The following BSCL2 variants were observed in gnomAD, a reference collection of about 807,000 sequenced individuals.
The protein encoded by BSCL2 is seipin.
A neutral mutation model predicts 57.4 loss-of-function variants in BSCL2; 41 were observed. The observed-to-expected ratio is 0.71, with a 90% CI of 0.56 to 0.93. BSCL2 has a LOEUF of 0.93. BSCL2 is among the 40% of genes least tolerant of loss of function. The probability of loss-of-function intolerance (pLI) is 0.00; values close to 1 mark genes in which losing one functional copy is unlikely to be tolerated. For synonymous variants in BSCL2, 237 were observed against 227.3 expected (o/e 1.04, Z -0.38); for missense variants, 539 against 586.7 (o/e 0.92, Z 0.84).
At chr11:62,695,880 G>C (rs1167525687) in intron 3 of BSCL2, among the ~76,000 whole-genome samples, 8 of 150,982 alleles carry the variant, frequency 5.3e-5, no homozygotes, top group Non-Finnish European at 1.0e-4. Context: ...TTGCCAGTCA[G>C]AACTATCTGT....
chr11:62,705,858 G>C, intron 1 of BSCL2: 1 of 532,606 alleles, frequency 1.9e-6, no homozygotes, highest in South Asian at 2.9e-5. Context: ...CCAGTCATTT[G>C]ATGCTGGGAC....
At position 62,694,605 on chromosome 11, in the gene BSCL2, G is replaced by A; in HGVS notation, c.593C>T (p.Thr198Ile). 1.2e-6 allele frequency: 2 copies of A among 1,614,086 alleles called. No homozygotes were observed. The highest frequency in any genetic ancestry group is 8.5e-7 in the Non-Finnish European group (1 of 1,180,026). ...AGTGGAGATGATTCGGCCACCTCTG[G>A]TGTAGCAGGAAATGGTGACCAAGAA... ...GMFLVTISCY[T>I]RGGRIISTSS... Residue 198 changes from threonine to isoleucine, a missense_variant, in exon 4 of 11, where the codon ACC (threonine) becomes ATC (isoleucine). Physicochemically the swap from Thr to Ile is moderately conservative, Grantham distance 89. This residue lies in a region of BSCL2 where 73 missense variants were observed against 122.0 expected (regional missense o/e 0.60). Coordinates refer to ENST00000360796, the MANE Select transcript of BSCL2 (RefSeq NM_001122955.4).
At chr11:62,707,068 TC>T in intron 1 of BSCL2, 40 bp downstream of exon 1, 2 of 1,517,988 alleles carry the variant, frequency 1.3e-6, no homozygotes, top group Non-Finnish European at 1.8e-6. Flanking sequence ...CCCACCTATT[TC>T]CAGTATATTT....
upstream of BSCL2, chr11:62,707,538 C>T: frequency 3.3e-6 from 2 of 605,804 alleles, no homozygotes; most frequent in East Asian, 2.8e-5. Context: ...GGGGAGGTCT[C>T]TAGCCCAGAG....
At chr11:62,694,195 CTTTTTTTTTTTTTTTTTTT>C (rs71056545) in intron 4 of BSCL2, among the ~76,000 whole-genome samples, 59 of 47,178 alleles carry the variant, frequency 1.3e-3, no homozygotes, top group Non-Finnish European at 2.0e-3. Context: ...CCCAGACATT[CTTTTTTTTTTTTTTTTTTT>C]TTTTTTTTTG....
At chr11:62,708,542 G>T (rs1205593385), upstream of BSCL2, 4 of 1,338,150 alleles carry the variant, frequency 3.0e-6, no homozygotes, top group African/African-American at 2.9e-5. Context: ...GCTGTCCCCA[G>T]GCCTCTGGGG....
chr11:62,702,645 C>T, intron 2 of BSCL2, 96 bp from the exon 3 acceptor site: 2 of 992,316 alleles, frequency 2.0e-6, no homozygotes, highest in East Asian at 5.5e-5. Context: ...TGCCCTCCTC[C>T]CTTCTCTCAG....
intron 6 of BSCL2, among the ~76,000 whole-genome samples, chr11:62,692,130 G>A (rs371750161): frequency 6.6e-6 from 1 of 152,044 alleles, no homozygotes; most frequent in East Asian, 1.9e-4. Flanking sequence ...GCAGGGCGGA[G>A]GGAAGATGAA....
chr11:62,692,963 A>G (rs1249251624), intron 4 of BSCL2, among the ~76,000 whole-genome samples, 166 bp from the exon 5 acceptor site: 2 of 151,866 alleles, frequency 1.3e-5, no homozygotes, highest in South Asian at 2.1e-4. Context: ...AACCATTCCA[A>G]TTGCTTGAGT....
upstream of BSCL2, chr11:62,708,953 A>C (rs987310052): frequency 4.3e-6 from 3 of 691,468 alleles, no homozygotes; most frequent in Non-Finnish European, 5.1e-6. Context: ...CACAAGGCCC[A>C]CCCTCACCTA....
intron 2 of BSCL2, among the ~76,000 whole-genome samples, chr11:62,703,259 GTTA>G (rs1052076405): frequency 6.6e-5 from 10 of 151,974 alleles, no homozygotes; most frequent in African/African-American, 2.4e-4. Context: ...TCTACAGATG[GTTA>G]TTAAGAAGCT....
chr11:62,705,247 A>G, intron 2 of BSCL2, 54 bp downstream of exon 2: 1 of 1,505,990 alleles, frequency 6.6e-7, no homozygotes, highest in East Asian at 2.4e-5. Context: ...ATGAACTCCA[A>G]GGGCCTTACA....
intron 2 of BSCL2, 97 bp downstream of exon 2, chr11:62,705,204 T>A: frequency 1.5e-6 from 2 of 1,346,920 alleles, no homozygotes; most frequent in South Asian, 2.5e-5. Flanking sequence ...TGGCTCCAGT[T>A]TTCCTTATCT....
intron 7 of BSCL2, 25 bp from the exon 8 acceptor site, chr11:62,691,166 G>T: frequency 6.2e-7 from 1 of 1,614,138 alleles, no homozygotes; most frequent in Non-Finnish European, 8.5e-7. Context: ...CTACTGAGCA[G>T]CCAGGACTGA....
At chr11:62,694,348 C>T in intron 4 of BSCL2, among the ~76,000 whole-genome samples, 1 of 151,502 alleles carries the variant, frequency 6.6e-6, no homozygotes, top group African/African-American at 2.4e-5. Flanking sequence ...GGACTACAGC[C>T]GTGAGCCACC....
chr11:62,691,817 A>G (rs568933857), intron 6 of BSCL2, among the ~76,000 whole-genome samples: 1 of 152,132 alleles, frequency 6.6e-6, no homozygotes, highest in Non-Finnish European at 1.5e-5. Flanking sequence ...TTGGGAGGCC[A>G]AGGTGGACGG....
In BSCL2 at chr11:62,707,358, C is replaced by T. The variant is rs1483775669; in HGVS notation, c.-163G>A. 5.4e-6 allele frequency: 4 copies of T among 737,214 alleles called. No homozygotes were observed. Among genetic ancestry groups the T allele is most frequent in the Non-Finnish European group, 2.4e-6 (1 of 415,072 alleles). 45.7% of individuals were successfully genotyped at this position (737,214 alleles called of 1,614,324 possible). A position where few individuals can be genotyped will look rare whatever the true frequency, so the allele number is the denominator to read the frequency against. The stretch of plus-strand genomic sequence containing the variant: ...GAAACGAAGATTCAGGTGCTAAGTG[C>T]TGTGTCAGAGTAGAGGGAGGAAAGG... On this transcript the variant is annotated 5_prime_UTR_variant, in exon 1 of 11. Coordinates refer to ENST00000360796, the MANE Select transcript of BSCL2 (RefSeq NM_001122955.4).
At chr11:62,705,964 C>A (rs1265081455) in intron 1 of BSCL2, 1 of 245,718 alleles carries the variant, frequency 4.1e-6, no homozygotes, top group Non-Finnish European at 7.9e-6. Flanking sequence ...ACTGAATCCA[C>A]ACTGCTAGGC....
Position 62,690,847 on chromosome 11 carries a change from ACTC to A in BSCL2, c.1090_1092del (p.Glu364del), listed in dbSNP as rs1383132842. 6.2e-7 allele frequency: 1 copy of A among 1,613,480 alleles called. No individual in the cohort carries two copies. Among genetic ancestry groups the A allele is most frequent in the Non-Finnish European group, 8.5e-7 (1 of 1,179,980 alleles). On this transcript the variant is annotated inframe_deletion, in exon 9 of 11. Transcript: ENST00000360796. ...TCTGTAACATCTGATTGCGGAGTTG[ACTC>A]CTCCTGGCCTTCAGGCCCTGCACCT... is the stretch of plus-strand genomic sequence containing the variant.
Sources: allele counts gnomAD v4.1 joint callset (sites outside exome capture counted in the v4.1 genomes callset), GRCh38; gene constraint gnomAD v4.1.1; regional missense constraint gnomAD v4.1.1; transcripts MANE v1.5; gene names NCBI Gene and HGNC (gene_info 2026-07-23, HGNC 2026-07-21).